The following FGD3 variants were observed in gnomAD, a reference collection of about 807,000 sequenced individuals.
FGD3 encodes the protein FYVE, RhoGEF and PH domain-containing protein 3.
FGD3 carries 45 observed loss-of-function variants against 71.8 expected under a neutral mutation model. That is an observed-to-expected ratio of 0.63 (90% CI 0.49 to 0.80). The LOEUF is 0.80. Among genes scored for constraint, FGD3 ranks in the 30% least tolerant of loss-of-function variants. The pLI is 0.00. For synonymous variants in FGD3, 378 were observed against 392.8 expected, an observed-to-expected ratio of 0.96 and a Z score of 0.44; for missense variants, 844 against 951.5, an observed-to-expected ratio of 0.89 and a Z score of 1.49.
At chr9:92,984,042 A>G (rs570454683) in intron 3 of FGD3, among the ~76,000 whole-genome samples, 2 of 152,334 alleles carry the variant, frequency 1.3e-5, no homozygotes, top group African/African-American at 4.8e-5. Flanking sequence ...CTAGGTTTGG[A>G]GCCTAGGACA....
chr9:92,972,061 G>C (rs1417043233), intron 1 of FGD3, among the ~76,000 whole-genome samples: 1 of 150,142 alleles, frequency 6.7e-6, no homozygotes, highest in African/African-American at 2.5e-5. Context: ...GAATTCTGTA[G>C]TAATGAGAAA....
intron 9 of FGD3, among the ~76,000 whole-genome samples, chr9:93,014,962 A>AC (rs982088445): frequency 1.6e-4 from 13 of 82,336 alleles, no homozygotes; most frequent in African/African-American, 2.7e-4. Context: ...GCCCCCGCCC[A>AC]CCCCCCCAGT....
At chr9:93,023,397 G>C (rs1861999807) in intron 14 of FGD3, among the ~76,000 whole-genome samples, 1 of 152,234 alleles carries the variant, frequency 6.6e-6, no homozygotes, top group Non-Finnish European at 1.5e-5. Flanking sequence ...ACGGAGTGTG[G>C]AGGCGTGGGG....
intron 3 of FGD3, among the ~76,000 whole-genome samples, chr9:92,993,305 T>C (rs1860494187): frequency 6.6e-6 from 1 of 152,152 alleles, no homozygotes; most frequent in African/African-American, 2.4e-5. Context: ...TATCTAACTA[T>C]GGCCACTCCT....
chr9:93,014,060 G>A (rs1410587374), intron 9 of FGD3, 62 bp downstream of exon 9: 1 of 1,534,294 alleles, frequency 6.5e-7, no homozygotes, highest in East Asian at 2.4e-5. Flanking sequence ...TCAAGCCCAG[G>A]GCAGTGCCAG....
chr9:93,005,992 C>T lies in FGD3; in HGVS notation c.681-32C>T, dbSNP rs202075073. The T allele has an allele frequency of 4.3e-5, 67 of 1,570,146 alleles. No individual in the cohort carries two copies. In the Middle Eastern group the frequency reaches 5.2e-4, roughly 12 times the overall value. On this transcript the variant is annotated intron_variant, in intron 5 of 17. Transcript: ENST00000375482. ...ACCTCAGAGTCCCCATTGCACCCAG[C>T]TATTTCTCTGATGATTCATTTCTCC... is the stretch of plus-strand genomic sequence containing the variant.
chr9:93,020,111 C>A (rs1181595903), intron 12 of FGD3, among the ~76,000 whole-genome samples: 1 of 152,222 alleles, frequency 6.6e-6, no homozygotes, highest in Non-Finnish European at 1.5e-5. Flanking sequence ...AGGCCAGGTT[C>A]CCCGCTCAGG....
Position 93,011,492 on chromosome 9 carries a change from C to T in FGD3, c.1035+220C>T, listed in dbSNP as rs79626824. Among the ~76,000 whole-genome samples the T allele has an allele frequency of 2.3e-3, 357 of 152,332 alleles. 13 individuals are homozygous for T. The East Asian group carries it at 0.064, about 27-fold the overall frequency. On this transcript the variant is annotated intron_variant, in intron 8 of 17. Transcript: ENST00000375482. ...TGGTGAGTTATTTAGCACTCTATGC[C>T]TTAGTTTCCCCATCTATAAAATGGG... is the stretch of plus-strand genomic sequence containing the variant.
At chr9:93,023,856 C>T (rs182451444) in intron 14 of FGD3, among the ~76,000 whole-genome samples, 1 of 135,472 alleles carries the variant, frequency 7.4e-6, no homozygotes, top group African/African-American at 2.8e-5. Context: ...GGCCGGAGTG[C>T]GGTGGCACAA....
chr9:93,033,295 CCGTCCCCTT>C, intron 16 of FGD3: 1 of 176,734 alleles, frequency 5.7e-6, no homozygotes, highest in Non-Finnish European at 1.0e-5. Context: ...CTCCTCCTCC[CCGTCCCCTT>C]CTCCTCCTCC....
chr9:93,022,153 C>T (rs530325241), intron 13 of FGD3, among the ~76,000 whole-genome samples, 174 bp from the exon 14 acceptor site: 125 of 152,340 alleles, frequency 8.2e-4, no homozygotes, highest in African/African-American at 2.9e-3. Flanking sequence ...AGGCCAGGCC[C>T]AGGGAGGGAG....
At chr9:93,021,020 C>T (rs1208237250) in intron 13 of FGD3, among the ~76,000 whole-genome samples, 1 of 152,234 alleles carries the variant, frequency 6.6e-6, no homozygotes, top group Non-Finnish European at 1.5e-5. Flanking sequence ...AGGTATGTTA[C>T]ATCATCCCCA....
chr9:92,952,968 A>G (rs1858983930), intron 1 of FGD3, among the ~76,000 whole-genome samples: 1 of 152,188 alleles, frequency 6.6e-6, no homozygotes, highest in African/African-American at 2.4e-5. Context: ...TGAATAGTAA[A>G]CGGTGGATCC....
rs374980002 is a variant in FGD3 at position 93,013,932 on chromosome 9, C to A, written c.1116C>A (p.Ile372=). The A allele has an allele frequency of 1.2e-4, 193 of 1,612,260 alleles. No homozygotes were observed. Among genetic ancestry groups the A allele is most frequent in the South Asian group, 7.0e-4 (63 of 90,590 alleles). ...TTGTCAACCCGGCCAATGAACTGAT[C>A]AAGGAGGGCCAAATCCAGAAACTGT... The part of the protein sequence containing the change: ...EDIVNPANEL[I]KEGQIQKLSA... Residue 372 remains isoleucine (I), a synonymous_variant, in exon 9 of 18, where the codon ATC becomes ATA. Coordinates refer to ENST00000375482, the MANE Select transcript of FGD3 (RefSeq NM_001083536.2).
intron 3 of FGD3, among the ~76,000 whole-genome samples, chr9:92,981,130 A>T (rs1859976261): frequency 6.6e-6 from 1 of 151,992 alleles, no homozygotes; most frequent in Non-Finnish European, 1.5e-5. Flanking sequence ...GCACTTTGGG[A>T]GGCCGAGGCA....
At chr9:92,968,968 G>A (rs1859435902) in intron 1 of FGD3, among the ~76,000 whole-genome samples, 1 of 152,348 alleles carries the variant, frequency 6.6e-6, no homozygotes, top group East Asian at 1.9e-4. Flanking sequence ...GGTGCCCTGG[G>A]CCTTGCTCAC....
chr9:92,971,722 CCCA>C (rs1859541936), intron 1 of FGD3, among the ~76,000 whole-genome samples: 2 of 151,588 alleles, frequency 1.3e-5, no homozygotes, highest in South Asian at 4.2e-4. Context: ...ATTACAGGAG[CCCA>C]CCACCACACC....
chr9:93,017,990 T>C, intron 10 of FGD3, 146 bp from the exon 11 acceptor site: 1 of 746,930 alleles, frequency 1.3e-6, no homozygotes, highest in Non-Finnish European at 2.3e-6. Flanking sequence ...GACCTAAGCC[T>C]CTGCACCCCT....
At chr9:93,029,684 C>T (rs1014787126) in intron 14 of FGD3, among the ~76,000 whole-genome samples, 190 bp from the exon 15 acceptor site, 1 of 152,168 alleles carries the variant, frequency 6.6e-6, no homozygotes, top group African/African-American at 2.4e-5. Context: ...CACAGGCAGC[C>T]GCTGGGAGGT....
Sources: allele counts gnomAD v4.1 joint callset (sites outside exome capture counted in the v4.1 genomes callset), GRCh38; gene constraint gnomAD v4.1.1; transcripts MANE v1.5; gene names NCBI Gene and HGNC (gene_info 2026-07-23, HGNC 2026-07-21).